Variants in CTNNA3 observed in about 807,000 individuals in gnomAD.
CTNNA3 encodes the protein catenin alpha 3, also known as catenin alpha-3.
In CTNNA3, 76 loss-of-function variants were observed where a neutral mutation model predicts 95.7. The ratio of observed to expected loss-of-function variants is 0.79; its 90% confidence interval spans 0.66 to 0.96. The LOEUF is 0.96. CTNNA3 is among the 40% of genes least tolerant of loss of function. The probability of loss-of-function intolerance (pLI) is 0.00; values close to 1 mark genes in which losing one functional copy is unlikely to be tolerated. For synonymous variants in CTNNA3, 431 were observed against 374.4 expected (o/e 1.15, Z -1.74); for missense variants, 1,191 against 1,089.8 (o/e 1.09, Z -1.31).
chr10:67,582,540 T>C lies in CTNNA3; in HGVS notation c.292+24317A>G, dbSNP rs528175180. Among the ~76,000 whole-genome samples the C allele has an allele frequency of 2.0e-5, 3 of 152,320 alleles. No homozygotes were observed. In the South Asian group the frequency reaches 6.2e-4, roughly 32 times the overall value. ...CTGAGAAGAATGTATATTCTGTTGG[T>C]TTGGGGTGGAGAGCTCTGTAGATGT... On this transcript the variant is annotated intron_variant, in intron 3 of 17. Coordinates refer to ENST00000433211, the MANE Select transcript of CTNNA3 (RefSeq NM_013266.4).
At chr10:66,317,075 C>T (rs931078026) in intron 12 of CTNNA3, among the ~76,000 whole-genome samples, 2 of 152,054 alleles carry the variant, frequency 1.3e-5, no homozygotes, top group African/African-American at 4.8e-5. Flanking sequence ...TTTTTTTAGA[C>T]ATTCATGCTT....
In CTNNA3 at chr10:66,048,206, T is replaced by G. The variant is rs559674815; in HGVS notation, c.2159+21102A>C. Among the ~76,000 whole-genome samples the G allele has an allele frequency of 2.0e-5, 3 of 152,276 alleles. No individual in the cohort carries two copies. In the East Asian group the frequency reaches 5.8e-4, roughly 29 times the overall value. ...AAAAAGAGCAAAGCTGGAGGCATGA[T>G]GTTACCTGACTTCAAACTATACTAC... On this transcript the variant is annotated intron_variant, in intron 15 of 17. Transcript: ENST00000433211.
chr10:66,674,127 A>T, intron 9 of CTNNA3, among the ~76,000 whole-genome samples: 1 of 151,814 alleles, frequency 6.6e-6, no homozygotes, highest in Non-Finnish European at 1.5e-5. Flanking sequence ...AGATTTATGT[A>T]TTGGGTGTTA....
At position 67,644,148 on chromosome 10, in the gene CTNNA3, C is replaced by G. The variant is rs112575760; in HGVS notation, c.99+3267G>C. Among the ~76,000 whole-genome samples, 91 of 152,300 alleles carry G rather than the reference C, an allele frequency of 6.0e-4. 2 individuals are homozygous for G. The highest frequency in any genetic ancestry group is 2.1e-3 in the African/African-American group (86 of 41,564). On this transcript the variant is annotated intron_variant, in intron 2 of 17. Coordinates refer to ENST00000433211, the MANE Select transcript of CTNNA3 (RefSeq NM_013266.4). Reference sequence around the variant, plus strand: ...TGGTTGAACTAATTTACACTCCCACCAACAGTGTAAAAGCATTCCTATTTC... The same window carrying G: ...TGGTTGAACTAATTTACACTCCCACGAACAGTGTAAAAGCATTCCTATTTC...
chr10:67,563,822 A>C (rs1294108832), intron 3 of CTNNA3, among the ~76,000 whole-genome samples: 2 of 150,776 alleles, frequency 1.3e-5, no homozygotes, highest in South Asian at 2.1e-4. Flanking sequence ...CCCATCAAAA[A>C]ATGGGCAAAG....
intron 5 of CTNNA3, among the ~76,000 whole-genome samples, chr10:67,445,018 GA>G (rs913898767): frequency 1.5e-4 from 22 of 149,640 alleles, no homozygotes; most frequent in South Asian, 2.1e-4. Context: ...AAATAATCAG[GA>G]AAAAAAAACT....
At chr10:67,682,999 T>C (rs1367619750) in intron 1 of CTNNA3, among the ~76,000 whole-genome samples, 2 of 152,202 alleles carry the variant, frequency 1.3e-5, no homozygotes, top group Non-Finnish European at 2.9e-5. Flanking sequence ...TCAACCTGCA[T>C]AACATTATGC....
At chr10:66,561,407 G>A (rs778958334) in intron 10 of CTNNA3, among the ~76,000 whole-genome samples, 44 of 152,120 alleles carry the variant, frequency 2.9e-4, no homozygotes, top group Non-Finnish European at 5.1e-4. Flanking sequence ...TACATATATT[G>A]TCTTAATTAA....
chr10:65,933,644 T>A (rs1016328717), intron 17 of CTNNA3, among the ~76,000 whole-genome samples: 2 of 151,432 alleles, frequency 1.3e-5, no homozygotes, highest in Non-Finnish European at 1.5e-5. Context: ...AACACCAGTG[T>A]AAAAAAAAAT....
At chr10:66,041,920 T>G (rs1009678541) in intron 15 of CTNNA3, among the ~76,000 whole-genome samples, 6 of 152,216 alleles carry the variant, frequency 3.9e-5, no homozygotes, top group Admixed American at 1.3e-4. Flanking sequence ...CTTCAATGCA[T>G]TTCAGTTTCC....
intron 9 of CTNNA3, among the ~76,000 whole-genome samples, chr10:66,659,467 T>G (rs1846182232): frequency 6.6e-6 from 1 of 152,164 alleles, no homozygotes; most frequent in Non-Finnish European, 1.5e-5. Context: ...TTCTAACAGG[T>G]TGTTGTGAGA....
chr10:66,500,803 A>T lies in CTNNA3; in HGVS notation c.1531+19814T>A, dbSNP rs142701642. 6.9e-4 allele frequency among the ~76,000 whole-genome samples: 105 copies of T among 152,288 alleles called. 1 individual carries two copies. Among genetic ancestry groups the T allele is most frequent in the Middle Eastern group, 6.8e-3 (2 of 292 alleles). ...AAACTATGTTTCACCTACAACTGAA[A>T]GTCTCTGAAGTTGATTAAATTATAA... On this transcript the variant is annotated intron_variant, in intron 11 of 17. Coordinates refer to ENST00000433211, the MANE Select transcript of CTNNA3 (RefSeq NM_013266.4).
chr10:66,180,311 T>C (rs1212877202), intron 13 of CTNNA3, among the ~76,000 whole-genome samples: 3 of 152,156 alleles, frequency 2.0e-5, no homozygotes, highest in Admixed American at 6.5e-5. Flanking sequence ...CAGTAGGTTT[T>C]AGTGAATACA....
chr10:67,499,645 C>G (rs1459717395), intron 5 of CTNNA3, among the ~76,000 whole-genome samples: 2 of 152,102 alleles, frequency 1.3e-5, no homozygotes, highest in African/African-American at 4.8e-5. Context: ...TCGACTTCTT[C>G]CTGGTTTAGT....
chr10:67,034,036 T>C (rs1853892889), intron 7 of CTNNA3, among the ~76,000 whole-genome samples: 1 of 152,176 alleles, frequency 6.6e-6, no homozygotes, highest in Non-Finnish European at 1.5e-5. Context: ...CCTTCCAACG[T>C]GCTGAGACTA....
chr10:66,775,331 T>TC, intron 8 of CTNNA3, 113 bp downstream of exon 8: 1 of 717,668 alleles, frequency 1.4e-6, no homozygotes, highest in Non-Finnish European at 2.3e-6. Flanking sequence ...ACTCTTTTTT[T>TC]CCTGTTCTAA....
chr10:67,055,389 A>G (rs1855361294), intron 7 of CTNNA3, among the ~76,000 whole-genome samples: 1 of 152,062 alleles, frequency 6.6e-6, no homozygotes, highest in Admixed American at 6.6e-5. Flanking sequence ...CACAGAAAGC[A>G]GTCATGGACA....
intron 11 of CTNNA3, among the ~76,000 whole-genome samples, chr10:66,464,615 T>C (rs529729901): frequency 1.3e-5 from 2 of 152,040 alleles, no homozygotes; most frequent in African/African-American, 2.4e-5. Context: ...ATACAAAAAT[T>C]AGCTGGGTGT....
At position 66,057,286 on chromosome 10, in the gene CTNNA3, T is replaced by TA. The variant is rs542842420; in HGVS notation, c.2159+12021dup. 2.5e-3 allele frequency among the ~76,000 whole-genome samples: 384 copies of TA among 152,240 alleles called. 5 individuals are homozygous for TA. Among genetic ancestry groups the TA allele is most frequent in the African/African-American group, 8.9e-3 (371 of 41,560 alleles). ...ATTAATATAATTTAACTATAACACC[T>TA]AAAATCTCTGAAGATTCACACGATA... On this transcript the variant is annotated intron_variant, in intron 15 of 17. Coordinates refer to ENST00000433211, the MANE Select transcript of CTNNA3 (RefSeq NM_013266.4).
Sources: gnomAD v4.1 joint callset for allele counts (sites outside exome capture counted in the v4.1 genomes callset) on GRCh38, gnomAD v4.1.1 for gene constraint, MANE v1.5 for transcripts, NCBI Gene and HGNC (gene_info 2026-07-23, HGNC 2026-07-21) for gene names.